TGM3: variants seen among roughly 807,000 people sequenced by gnomAD.
TGM3 encodes transglutaminase 3, also known as protein-glutamine gamma-glutamyltransferase E.
A neutral mutation model predicts 73.8 loss-of-function variants in TGM3; 52 were observed. That is an observed-to-expected ratio of 0.70 (90% CI 0.56 to 0.89). The LOEUF is 0.89. TGM3 is among the 40% of genes least tolerant of loss of function. The pLI, the probability that TGM3 is intolerant of heterozygous loss-of-function variation, is 0.00. For missense variants in TGM3, 928 were observed against 909.9 expected (o/e 1.02, Z -0.26); for synonymous variants, 372 against 354.9 (o/e 1.05, Z -0.54).
At chr20:2,331,619 T>C (rs1158738245) in intron 9 of TGM3, among the ~76,000 whole-genome samples, 1 of 152,232 alleles carries the variant, frequency 6.6e-6, no homozygotes, top group Admixed American at 6.5e-5. Flanking sequence ...TGTATTCTAA[T>C]CTTTTTCAGC....
At chr20:2,339,582 A>C (rs1373733382) in intron 11 of TGM3, among the ~76,000 whole-genome samples, 1 of 152,134 alleles carries the variant, frequency 6.6e-6, no homozygotes, top group Non-Finnish European at 1.5e-5. Context: ...GGGAAGTAAC[A>C]GTGTTGTTGG....
At chr20:2,303,823 G>A (rs1332875633) in intron 1 of TGM3, among the ~76,000 whole-genome samples, 2 of 152,176 alleles carry the variant, frequency 1.3e-5, no homozygotes, top group African/African-American at 4.8e-5. Context: ...ATTGCCCCAG[G>A]CCTGACACTG....
chr20:2,297,111 A>G (rs1424053732), intron 1 of TGM3, among the ~76,000 whole-genome samples: 1 of 152,206 alleles, frequency 6.6e-6, no homozygotes, highest in African/African-American at 2.4e-5. Flanking sequence ...ACACTGCAGC[A>G]AGAGGGGAGG....
At chr20:2,338,201 A>G (rs997571764) in intron 11 of TGM3, among the ~76,000 whole-genome samples, 5 of 152,164 alleles carry the variant, frequency 3.3e-5, no homozygotes, top group Non-Finnish European at 5.9e-5. Context: ...CCAGGCCAAA[A>G]ACAATCTGAA....
rs750817376 is a variant in TGM3, at chr20:2,335,155, A to G, written c.1682A>G (p.Glu561Gly). 4.3e-6 allele frequency: 7 copies of G among 1,614,122 alleles called. No individual in the cohort carries two copies. The Admixed American group carries it at 1.2e-4, about 27-fold the overall frequency. Residue 561 changes from glutamate (E) to glycine (G), a missense_variant, in exon 11 of 13, where the codon GAG (glutamate) becomes GGG (glycine). Physicochemically the swap from Glu to Gly is moderately conservative, Grantham distance 98 (BLOSUM62 -2). Coordinates refer to ENST00000381458, the MANE Select transcript of TGM3 (RefSeq NM_003245.4). Reference sequence around the variant, plus strand: ...ATAAAGATCTCGTACGCTCAGTATGAGAAGTACCTGAAGTCAGACAACATG... The same window carrying G: ...ATAAAGATCTCGTACGCTCAGTATGGGAAGTACCTGAAGTCAGACAACATG... ...HPIKISYAQY[E>G]KYLKSDNMIR...
At chr20:2,320,514 C>G (rs1355000872) in intron 7 of TGM3, among the ~76,000 whole-genome samples, 3 of 152,172 alleles carry the variant, frequency 2.0e-5, no homozygotes, top group Non-Finnish European at 4.4e-5. Context: ...CTTTGCTACA[C>G]CTCAATTTCC....
chr20:2,312,872 G>T (rs1265452023), intron 4 of TGM3, 26 bp from the exon 5 acceptor site: 1 of 1,613,140 alleles, frequency 6.2e-7, no homozygotes, highest in Admixed American at 1.7e-5. Flanking sequence ...TTCTTTAATT[G>T]TAATGTATGG....
intron 9 of TGM3, 81 bp from the exon 10 acceptor site, chr20:2,331,921 C>T (rs1442754119): frequency 7.4e-6 from 11 of 1,487,788 alleles, no homozygotes; most frequent in Admixed American, 2.2e-5. Context: ...AGTCCTAGGC[C>T]GCCTGTCCAG....
At chr20:2,300,023 C>T (rs2084134478) in intron 1 of TGM3, among the ~76,000 whole-genome samples, 1 of 151,830 alleles carries the variant, frequency 6.6e-6, no homozygotes, top group East Asian at 1.9e-4. Flanking sequence ...AAGAGAACTG[C>T]TTGAACCCAG....
At chr20:2,316,257 CAAG>C (rs1390957353) in intron 5 of TGM3, among the ~76,000 whole-genome samples, 1 of 152,012 alleles carries the variant, frequency 6.6e-6, no homozygotes, top group Non-Finnish European at 1.5e-5. Context: ...TTATTCTTTC[CAAG>C]AAGAAGTTAG....
intron 8 of TGM3, among the ~76,000 whole-genome samples, chr20:2,327,721 A>G (rs762905922): frequency 2.6e-5 from 4 of 152,204 alleles, no homozygotes; most frequent in Non-Finnish European, 4.4e-5. Context: ...AGGTCCCTGC[A>G]GGCTGCCTGT....
intron 1 of TGM3, among the ~76,000 whole-genome samples, chr20:2,297,077 A>G (rs1304400568): frequency 6.6e-6 from 1 of 152,124 alleles, no homozygotes; most frequent in Non-Finnish European, 1.5e-5. Flanking sequence ...CTGGGATGCT[A>G]AGAAGAGGAG....
At chr20:2,296,093 A>G in intron 1 of TGM3, 23 bp downstream of exon 1, 9 of 1,550,222 alleles carry the variant, frequency 5.8e-6, no homozygotes, top group Non-Finnish European at 7.8e-6. Flanking sequence ...CATCTTCTCC[A>G]TCAGGTCCTT....
chr20:2,297,597 C>A (rs944462929), intron 1 of TGM3, among the ~76,000 whole-genome samples: 7 of 152,172 alleles, frequency 4.6e-5, no homozygotes, highest in African/African-American at 9.7e-5. Flanking sequence ...TGTTAACAAC[C>A]AGAGATGTTC....
chr20:2,339,868 T>G lies in TGM3; in HGVS notation c.1815T>G (p.Ala605=). 1 of 1,613,950 alleles carries G rather than the reference T, an allele frequency of 6.2e-7. No individual in the cohort carries two copies. Among genetic ancestry groups the G allele is most frequent in the Non-Finnish European group, 8.5e-7 (1 of 1,179,998 alleles). Residue 605 remains alanine, a synonymous_variant, in exon 12 of 13, where the codon GCT becomes GCG. Transcript: ENST00000381458. ...PTLTLEVLNE[A]RVRKPVNVQM... ...CTCCCCCATAGGTGCTGAACGAGGC[T>G]CGTGTGCGGAAGCCTGTGAACGTGC...
At chr20:2,311,479 GT>G (rs2084203227) in intron 4 of TGM3, among the ~76,000 whole-genome samples, 1 of 152,130 alleles carries the variant, frequency 6.6e-6, no homozygotes, top group South Asian at 2.1e-4. Flanking sequence ...TGTAGCTTCT[GT>G]TTTTCATTCC....
chr20:2,310,524 T>C, intron 3 of TGM3, 107 bp downstream of exon 3: 2 of 1,524,824 alleles, frequency 1.3e-6, no homozygotes, highest in East Asian at 2.3e-5. Flanking sequence ...GGAAAGTCCA[T>C]GGGCTGTGGA....
At chr20:2,337,774 C>G (rs1334278392) in intron 11 of TGM3, among the ~76,000 whole-genome samples, 1 of 152,006 alleles carries the variant, frequency 6.6e-6, no homozygotes, top group Non-Finnish European at 1.5e-5. Context: ...GTTCCCTTAT[C>G]CAATGTCCTC....
intron 1 of TGM3, among the ~76,000 whole-genome samples, chr20:2,305,754 A>G (rs986300414): frequency 1.3e-5 from 2 of 152,218 alleles, no homozygotes; most frequent in Non-Finnish European, 2.9e-5. Context: ...TGGAGCCTGC[A>G]GTCCTCCACT....
Sources: gnomAD v4.1 joint callset for allele counts (sites outside exome capture counted in the v4.1 genomes callset) on GRCh38, gnomAD v4.1.1 for gene constraint, MANE v1.5 for transcripts, NCBI Gene and HGNC (gene_info 2026-07-23, HGNC 2026-07-21) for gene names.